Variants in ARB2A observed in about 807,000 individuals in gnomAD.
ARB2A encodes the protein cotranscriptional regulator ARB2A.
chr5:93,740,541 T>C, the ARB2A span: 13 of 1,547,412 alleles, frequency 8.4e-6, no homozygotes, highest in Non-Finnish European at 1.1e-5. Context: ...TCTTCTCCCC[T>C]CTCCAACCGT....
At chr5:94,061,552 G>A in the ARB2A span, among the ~76,000 whole-genome samples, 1 of 152,058 alleles carries the variant, frequency 6.6e-6, no homozygotes, top group Admixed American at 6.5e-5. Context: ...AAAATCCTAA[G>A]GAATCCATAA....
chr5:93,799,888 GAA>G, the ARB2A span, among the ~76,000 whole-genome samples: 2 of 151,932 alleles, frequency 1.3e-5, no homozygotes, highest in Non-Finnish European at 2.9e-5. Context: ...ATACCAGCAT[GAA>G]AAATAACAGC....
At chr5:93,859,804 G>A in the ARB2A span, among the ~76,000 whole-genome samples, 4 of 152,086 alleles carry the variant, frequency 2.6e-5, no homozygotes, top group East Asian at 1.9e-4. Flanking sequence ...AAACAGTAAC[G>A]ATAACACAAA....
the ARB2A span, among the ~76,000 whole-genome samples, chr5:93,956,270 G>C: frequency 6.6e-6 from 1 of 152,134 alleles, no homozygotes; most frequent in Non-Finnish European, 1.5e-5. Flanking sequence ...GAAATCTCAG[G>C]GGCTGTTGTG....
At chr5:93,630,021 C>T in the ARB2A span, among the ~76,000 whole-genome samples, 1 of 152,008 alleles carries the variant, frequency 6.6e-6, no homozygotes, top group African/African-American at 2.4e-5. Context: ...TACGAGCTTA[C>T]CAGCAGTTAT....
At chr5:93,796,489 G>C in the ARB2A span, among the ~76,000 whole-genome samples, 1 of 152,124 alleles carries the variant, frequency 6.6e-6, no homozygotes, top group Non-Finnish European at 1.5e-5. Context: ...ACTGGGAGAG[G>C]TTGACACCCA....
the ARB2A span, among the ~76,000 whole-genome samples, chr5:93,697,495 T>G: frequency 6.6e-6 from 1 of 152,212 alleles, no homozygotes; most frequent in Non-Finnish European, 1.5e-5. Flanking sequence ...CCTTTACACT[T>G]TTAAAATATT....
At chr5:93,875,873 T>C in the ARB2A span, among the ~76,000 whole-genome samples, 1 of 151,818 alleles carries the variant, frequency 6.6e-6, no homozygotes, top group Non-Finnish European at 1.5e-5. Context: ...AAATCCGATA[T>C]GAACAGCAGC....
chr5:93,697,618 T>C, the ARB2A span, among the ~76,000 whole-genome samples: 1 of 152,196 alleles, frequency 6.6e-6, no homozygotes, highest in African/African-American at 2.4e-5. Flanking sequence ...AAGTTTAATC[T>C]TAATGAAAAA....
the ARB2A span, among the ~76,000 whole-genome samples, chr5:93,741,911 A>AT: frequency 6.6e-6 from 1 of 152,108 alleles, no homozygotes; most frequent in Non-Finnish European, 1.5e-5. Flanking sequence ...GAAACTCTGG[A>AT]CCCTGATCCC....
At chr5:94,099,481 G>T in the ARB2A span, among the ~76,000 whole-genome samples, 1 of 151,558 alleles carries the variant, frequency 6.6e-6, no homozygotes, top group Admixed American at 6.6e-5. Context: ...AAAATTAGCC[G>T]GGCATGGTGG....
the ARB2A span, among the ~76,000 whole-genome samples, chr5:94,061,399 C>CA: frequency 1.5e-4 from 23 of 152,254 alleles, no homozygotes; most frequent in South Asian, 4.8e-3. Flanking sequence ...AGGTTGAAAA[C>CA]AAGAAAGAAT....
the ARB2A span, among the ~76,000 whole-genome samples, chr5:94,028,094 T>C: frequency 6.6e-6 from 1 of 152,236 alleles, no homozygotes; most frequent in Admixed American, 6.5e-5. Flanking sequence ...GTTTGAGGTT[T>C]TTCCACTCAC....
At chr5:94,009,027 T>A in the ARB2A span, among the ~76,000 whole-genome samples, 1 of 152,122 alleles carries the variant, frequency 6.6e-6, no homozygotes, top group Non-Finnish European at 1.5e-5. Flanking sequence ...CTGTGAAAAC[T>A]TACATTATGA....
the ARB2A span, among the ~76,000 whole-genome samples, chr5:94,097,041 C>A: frequency 1.3e-5 from 2 of 152,172 alleles, no homozygotes; most frequent in African/African-American, 2.4e-5. Context: ...AGGACTCCAG[C>A]CTGTGCAGAG....
the ARB2A span, among the ~76,000 whole-genome samples, chr5:93,979,038 G>C: frequency 6.6e-6 from 1 of 152,038 alleles, no homozygotes; most frequent in African/African-American, 2.4e-5. Context: ...CACTGAAATG[G>C]TCAAGGTGAC....
the ARB2A span, among the ~76,000 whole-genome samples, chr5:93,874,356 G>A: frequency 6.6e-6 from 1 of 152,108 alleles, no homozygotes; most frequent in Non-Finnish European, 1.5e-5. Context: ...GCCTTAGGAT[G>A]GGACTGGTCA....
the ARB2A span, among the ~76,000 whole-genome samples, chr5:93,881,047 G>A: frequency 6.6e-6 from 1 of 151,610 alleles, no homozygotes; most frequent in Non-Finnish European, 1.5e-5. Context: ...AATTCAGCAG[G>A]TGATATGTCT....
At chr5:93,983,329 T>G in the ARB2A span, among the ~76,000 whole-genome samples, 1 of 152,146 alleles carries the variant, frequency 6.6e-6, no homozygotes, top group Non-Finnish European at 1.5e-5. Context: ...CTAAAAAGTA[T>G]TTTTTGTACC....
Sources: allele counts gnomAD v4.1 joint callset (sites outside exome capture counted in the v4.1 genomes callset), GRCh38; gene constraint gnomAD v4.1.1; transcripts MANE v1.5; gene names NCBI Gene and HGNC (gene_info 2026-07-23, HGNC 2026-07-21).